HAUS1: variants seen among roughly 807,000 people sequenced by gnomAD.
HAUS1 encodes the protein HAUS augmin-like complex subunit 1.
A neutral mutation model predicts 38.6 loss-of-function variants in HAUS1; 25 were observed. That is an observed-to-expected ratio of 0.65 (90% CI 0.47 to 0.91). HAUS1 has a LOEUF of 0.91. Ranked by LOEUF, HAUS1 falls within the 40% of genes least tolerant of loss-of-function variation. The pLI is 0.00. For synonymous variants in HAUS1, 109 were observed against 112.9 expected (o/e 0.97, Z 0.22); for missense variants, 325 against 328.4 (o/e 0.99, Z 0.08).
At chr18:46,106,986 G>T (rs896269897) in intron 2 of HAUS1, among the ~76,000 whole-genome samples, 1 of 152,066 alleles carries the variant, frequency 6.6e-6, no homozygotes, top group Non-Finnish European at 1.5e-5. Context: ...CTGCACTCCA[G>T]CCTGGGCAAC....
intron 2 of HAUS1, among the ~76,000 whole-genome samples, chr18:46,111,014 C>A (rs1911618828): frequency 6.6e-6 from 1 of 150,878 alleles, no homozygotes; most frequent in African/African-American, 2.4e-5. Context: ...GTAGCTGGGA[C>A]TACAGGCATG....
At chr18:46,122,416 CT>C in intron 4 of HAUS1, 50 bp from the exon 5 acceptor site, 1 of 1,583,178 alleles carries the variant, frequency 6.3e-7, no homozygotes, top group South Asian at 1.1e-5. Flanking sequence ...TTGTACAATA[CT>C]TTTACTGAGA....
rs141413068 is a variant in HAUS1, at chr18:46,127,542, A to G, written c.787-533A>G. ...AAGATGGTGAAACCCCATCTCTACT[A>G]AAAATACAAAAAAAATTAGCCGGGC... On this transcript the variant is annotated intron_variant, in intron 8 of 8. Coordinates refer to ENST00000282058, the MANE Select transcript of HAUS1 (RefSeq NM_138443.4). Among the ~76,000 whole-genome samples, 889 of 152,046 alleles carry G rather than the reference A, an allele frequency of 5.8e-3. 7 individuals carry two copies. Among genetic ancestry groups the G allele is most frequent in the South Asian group, 0.012 (59 of 4,810 alleles).
intron 7 of HAUS1, 134 bp from the exon 8 acceptor site, chr18:46,125,610 A>T (rs997765944): frequency 5.3e-6 from 3 of 561,416 alleles, no homozygotes; most frequent in Non-Finnish European, 9.7e-6. Flanking sequence ...TCAGTGGTAA[A>T]TTTCAGTGTT....
At chr18:46,119,036 T>C (rs997589964) in intron 3 of HAUS1, among the ~76,000 whole-genome samples, 1 of 106,470 alleles carries the variant, frequency 9.4e-6, no homozygotes, top group African/African-American at 5.0e-5. Context: ...CCTGGCTAAT[T>C]TTTTTTGTAT....
At chr18:46,118,872 T>A (rs1911862170) in intron 3 of HAUS1, among the ~76,000 whole-genome samples, 1 of 152,126 alleles carries the variant, frequency 6.6e-6, no homozygotes, top group Non-Finnish European at 1.5e-5. Context: ...TATTTTGTTT[T>A]AGTTTTTGTT....
intron 2 of HAUS1, among the ~76,000 whole-genome samples, chr18:46,113,563 T>C (rs1015760299): frequency 3.3e-5 from 5 of 152,168 alleles, no homozygotes; most frequent in African/African-American, 1.2e-4. Context: ...TCTTACCTCA[T>C]GTTCCTTCTT....
chr18:46,122,361 CT>C, intron 4 of HAUS1, 105 bp from the exon 5 acceptor site: 3 of 1,156,812 alleles, frequency 2.6e-6, no homozygotes, highest in Non-Finnish European at 2.5e-6. Context: ...TGGTTACCAA[CT>C]CTTGGCCAAG....
Position 46,113,075 on chromosome 18 carries a change from C to CAT in HAUS1, c.206-5091_206-5090dup, listed in dbSNP as rs112024762. ...TATTATATATATAATATATATATTC[C>CAT]ATATATATATATATATTTTTTGAGA... On this transcript the variant is annotated intron_variant, in intron 2 of 8. Coordinates refer to ENST00000282058, the MANE Select transcript of HAUS1 (RefSeq NM_138443.4). Among the ~76,000 whole-genome samples the CAT allele has an allele frequency of 4.0e-3, 497 of 123,356 alleles. 15 individuals carry two copies. The highest frequency in any genetic ancestry group is 0.014 in the African/African-American group (437 of 30,988). 80.9% of individuals were successfully genotyped at this position (123,356 alleles called of 152,430 possible).
intron 4 of HAUS1, among the ~76,000 whole-genome samples, chr18:46,120,514 G>A (rs1011551877): frequency 1.7e-4 from 26 of 151,840 alleles, no homozygotes; most frequent in Admixed American, 1.3e-3. Context: ...GATTACAGGC[G>A]TGAGCCACTG....
Position 46,104,431 on chromosome 18 carries a change from G to A in HAUS1, c.20G>A (p.Arg7Lys). 6.8e-7 allele frequency: 1 copy of A among 1,468,352 alleles called. No homozygotes were observed. Among genetic ancestry groups the A allele is most frequent in the Non-Finnish European group, 9.1e-7 (1 of 1,100,416 alleles). 91.0% of individuals were successfully genotyped at this position (1,468,352 alleles called of 1,614,324 possible). A position where few individuals can be genotyped will look rare whatever the true frequency, so the allele number is the denominator to read the frequency against. The change falls in exon 1 of 9, where the codon AGA (arginine) becomes AAA (lysine). Residue 7 changes from arginine (R) to lysine (K), a missense_variant. By Grantham distance (26) the Arg-to-Lys change is conservative. Coordinates refer to ENST00000282058, the MANE Select transcript of HAUS1 (RefSeq NM_138443.4). ...GCAGCTATGGAGCCGCAGGAGGAGAGAGAAACGCAGGTGATGGGGCGGGAA... is the reference window on the plus strand; with the variant it reads ...GCAGCTATGGAGCCGCAGGAGGAGAAAGAAACGCAGGTGATGGGGCGGGAA... MEPQEERETQVAAWLKK... is the reference protein window; with the variant it reads MEPQEEKETQVAAWLKK...
chr18:46,122,032 G>C (rs938384034), intron 4 of HAUS1, among the ~76,000 whole-genome samples: 1 of 152,096 alleles, frequency 6.6e-6, no homozygotes, highest in Non-Finnish European at 1.5e-5. Flanking sequence ...AGTAAAGACA[G>C]GGTTTCACCA....
At chr18:46,120,475 C>A (rs974429068) in intron 4 of HAUS1, among the ~76,000 whole-genome samples, 2 of 152,026 alleles carry the variant, frequency 1.3e-5, no homozygotes, top group East Asian at 3.9e-4. Flanking sequence ...CTCAGGTGAT[C>A]CGCCCGCCTC....
chr18:46,128,314 TTAAAAAG>T lies in HAUS1; in HGVS notation c.*190_*196del, dbSNP rs1912165170. ...TGTGCCCAAATACATAGTTTTCATA[TTAAAAAG>T]CCTTTTCTCTTACTTTGTTTCTGTG... On this transcript the variant is annotated 3_prime_UTR_variant, in exon 9 of 9. Transcript: ENST00000282058. The T allele has an allele frequency of 4.4e-6, 2 of 449,438 alleles. No homozygotes were observed. Among genetic ancestry groups the T allele is most frequent in the South Asian group, 1.0e-4 (2 of 19,390 alleles). 27.8% of individuals were successfully genotyped at this position (449,438 alleles called of 1,614,324 possible). A position where few individuals can be genotyped will look rare whatever the true frequency, so the allele number is the denominator to read the frequency against.
chr18:46,105,304 G>C lies in HAUS1; in HGVS notation c.141G>C (p.Arg47=). Reference sequence around the variant, plus strand: ...ACCTTTCAGAACGCAACAGGGTCCGGGACAGGGATGTCTACCTGGTAATAG... The same window carrying C: ...ACCTTTCAGAACGCAACAGGGTCCGCGACAGGGATGTCTACCTGGTAATAG... ...LHHLSERNRV[R]DRDVYLVIED... is the part of the protein sequence containing the mutation. Residue 47 remains arginine, a synonymous_variant, in exon 2 of 9, where the codon CGG becomes CGC. Coordinates refer to ENST00000282058, the MANE Select transcript of HAUS1 (RefSeq NM_138443.4). 6.2e-7 allele frequency: 1 copy of C among 1,613,504 alleles called. No individual in the cohort carries two copies. Among genetic ancestry groups the C allele is most frequent in the Admixed American group, 1.7e-5 (1 of 59,938 alleles).
At chr18:46,111,136 G>C (rs1198199807) in intron 2 of HAUS1, among the ~76,000 whole-genome samples, 1 of 151,984 alleles carries the variant, frequency 6.6e-6, no homozygotes, top group African/African-American at 2.4e-5. Context: ...TCAAAATGCT[G>C]GGATTACAGG....
At chr18:46,126,823 T>G (rs1341478253) in intron 8 of HAUS1, 1 of 148,396 alleles carries the variant, frequency 6.7e-6, no homozygotes, top group African/African-American at 2.5e-5. Context: ...ATTTATTTAT[T>G]TATTTATTTA....
intron 2 of HAUS1, among the ~76,000 whole-genome samples, chr18:46,110,854 GT>G (rs751699266): frequency 5.0e-5 from 7 of 139,490 alleles, no homozygotes; most frequent in Admixed American, 7.2e-5. Context: ...GTAACAGGTA[GT>G]TTTTTTTTTC....
chr18:46,122,819 G>GT (rs1175126408), intron 5 of HAUS1, among the ~76,000 whole-genome samples: 3 of 152,178 alleles, frequency 2.0e-5, no homozygotes, highest in Admixed American at 1.3e-4. Flanking sequence ...TCACAAATGC[G>GT]TGAGTGTGGA....
Sources: allele counts gnomAD v4.1 joint callset (sites outside exome capture counted in the v4.1 genomes callset), GRCh38; gene constraint gnomAD v4.1.1; transcripts MANE v1.5; gene names NCBI Gene and HGNC (gene_info 2026-07-23, HGNC 2026-07-21).